CNTN4: variants seen among roughly 807,000 people sequenced by gnomAD.
CNTN4 encodes the protein contactin-4.
In CNTN4, 77 loss-of-function variants were observed where a neutral mutation model predicts 122.5. The ratio of observed to expected loss-of-function variants is 0.63; its 90% CI spans 0.52 to 0.76. The LOEUF (loss-of-function observed/expected upper bound fraction) is 0.76. Among genes scored for constraint, CNTN4 ranks in the 30% least tolerant of loss-of-function variants. The pLI is 0.00. For synonymous variants in CNTN4, 512 were observed against 447.0 expected (o/e 1.15, Z -1.83); for missense variants, 1,256 against 1,259.1 (o/e 1.00, Z 0.04).
At chr3:2,164,205 CAAA>C (rs951807978) in intron 2 of CNTN4, among the ~76,000 whole-genome samples, 67 of 151,200 alleles carry the variant, frequency 4.4e-4, no homozygotes, top group African/African-American at 1.5e-3. Flanking sequence ...AAAATTAAAA[CAAA>C]GAAGAAAGAG....
intron 2 of CNTN4, among the ~76,000 whole-genome samples, chr3:2,111,621 T>C (rs947561115): frequency 6.6e-6 from 1 of 152,176 alleles, no homozygotes; most frequent in Non-Finnish European, 1.5e-5. Context: ...ATCCTGTCTC[T>C]ACTACTTATG....
At chr3:2,821,542 G>T (rs1278426719) in intron 7 of CNTN4, among the ~76,000 whole-genome samples, 1 of 152,132 alleles carries the variant, frequency 6.6e-6, no homozygotes, top group Non-Finnish European at 1.5e-5. Flanking sequence ...AGTGGCAAAG[G>T]AGGTTGAAAA....
intron 7 of CNTN4, among the ~76,000 whole-genome samples, chr3:2,854,764 A>G (rs1234779285): frequency 2.0e-5 from 3 of 152,196 alleles, no homozygotes; most frequent in Non-Finnish European, 4.4e-5. Flanking sequence ...TTGCTCAGTC[A>G]GTCATATTAC....
intron 7 of CNTN4, among the ~76,000 whole-genome samples, chr3:2,826,989 A>T (rs1425714814): frequency 1.3e-5 from 2 of 152,082 alleles, no homozygotes; most frequent in Non-Finnish European, 2.9e-5. Flanking sequence ...TCCCATTTTA[A>T]CCCCACTCTA....
At chr3:2,109,715 G>A (rs535662750) in intron 2 of CNTN4, among the ~76,000 whole-genome samples, 12 of 152,136 alleles carry the variant, frequency 7.9e-5, no homozygotes, top group East Asian at 1.9e-4. Context: ...GTGCAAATTT[G>A]TATTGTTATC....
At chr3:3,049,845 G>GT in intron 23 of CNTN4, among the ~76,000 whole-genome samples, 1 of 152,070 alleles carries the variant, frequency 6.6e-6, no homozygotes, top group Admixed American at 6.5e-5. Context: ...CAACTGCAGA[G>GT]TTTGTGATTG....
intron 2 of CNTN4, among the ~76,000 whole-genome samples, chr3:2,285,444 A>G (rs1241039848): frequency 6.6e-6 from 1 of 152,142 alleles, no homozygotes; most frequent in Admixed American, 6.6e-5. Flanking sequence ...TTAAGATTGC[A>G]TTGGAGCATT....
At chr3:2,435,313 A>G (rs1365448457) in intron 3 of CNTN4, among the ~76,000 whole-genome samples, 1 of 152,164 alleles carries the variant, frequency 6.6e-6, no homozygotes, top group Non-Finnish European at 1.5e-5. Context: ...TAGTATTTGG[A>G]CATAACCAAT....
intron 7 of CNTN4, among the ~76,000 whole-genome samples, chr3:2,828,365 A>G (rs1470890501): frequency 6.6e-6 from 1 of 152,144 alleles, no homozygotes; most frequent in African/African-American, 2.4e-5. Context: ...CAGTAGGTTA[A>G]CACTGACCGT....
chr3:2,386,119 G>T (rs968305321), intron 3 of CNTN4, among the ~76,000 whole-genome samples: 1 of 151,954 alleles, frequency 6.6e-6, no homozygotes, highest in African/African-American at 2.4e-5. Context: ...TCAAGTAAGG[G>T]CCTATATATT....
At chr3:2,434,098 G>A (rs978574793) in intron 3 of CNTN4, among the ~76,000 whole-genome samples, 1 of 152,092 alleles carries the variant, frequency 6.6e-6, no homozygotes, top group Non-Finnish European at 1.5e-5. Context: ...ACAAAGTGAT[G>A]ACTATAATAA....
intron 10 of CNTN4, among the ~76,000 whole-genome samples, chr3:2,889,965 G>A (rs1014484970): frequency 6.6e-6 from 1 of 152,176 alleles, no homozygotes; most frequent in Admixed American, 6.5e-5. Context: ...ATGAAAATCA[G>A]GTTCTAACAA....
chr3:2,185,020 C>A (rs2037183144), intron 2 of CNTN4, among the ~76,000 whole-genome samples: 1 of 152,166 alleles, frequency 6.6e-6, no homozygotes, highest in Non-Finnish European at 1.5e-5. Context: ...CTGCAAGCTC[C>A]TCCTGGGCCT....
chr3:2,946,350 C>T (rs1485284404), intron 13 of CNTN4, among the ~76,000 whole-genome samples: 1 of 152,120 alleles, frequency 6.6e-6, no homozygotes, highest in African/African-American at 2.4e-5. Flanking sequence ...TTGGTTTCCC[C>T]AGGACTTTTG....
intron 10 of CNTN4, among the ~76,000 whole-genome samples, chr3:2,899,510 C>T (rs1404328491): frequency 3.9e-5 from 6 of 152,230 alleles, no homozygotes; most frequent in East Asian, 1.9e-4. Context: ...AGGTCTTCTA[C>T]CTGAATATGT....
At chr3:3,037,750 TAAA>T in intron 18 of CNTN4, 1 of 257,652 alleles carries the variant, frequency 3.9e-6, no homozygotes, top group Non-Finnish European at 7.6e-6. Flanking sequence ...AGAATAGAAA[TAAA>T]AAATAATTTC....
At chr3:2,923,224 A>G (rs1402648889) in intron 12 of CNTN4, among the ~76,000 whole-genome samples, 5 of 152,222 alleles carry the variant, frequency 3.3e-5, no homozygotes, top group Non-Finnish European at 5.9e-5. Context: ...ATGTGTAGAA[A>G]GATACAGTTT....
intron 2 of CNTN4, among the ~76,000 whole-genome samples, chr3:2,166,431 C>G (rs572330533): frequency 1.3e-5 from 2 of 152,070 alleles, no homozygotes; most frequent in South Asian, 4.2e-4. Flanking sequence ...GAGTGTAAAC[C>G]TGAGATAGGT....
At chr3:2,669,813 C>A (rs1454030961) in intron 4 of CNTN4, among the ~76,000 whole-genome samples, 6 of 152,074 alleles carry the variant, frequency 3.9e-5, no homozygotes, top group Admixed American at 2.6e-4. Context: ...CCTTGGTTTC[C>A]AAGAACATCT....
Sources: gnomAD v4.1 joint callset for allele counts (sites outside exome capture counted in the v4.1 genomes callset) on GRCh38, gnomAD v4.1.1 for gene constraint, MANE v1.5 for transcripts, NCBI Gene and HGNC (gene_info 2026-07-23, HGNC 2026-07-21) for gene names.